Variants in ANO4 observed in about 807,000 individuals in gnomAD.
The protein encoded by ANO4 is anoctamin-4.
Under a neutral mutation model 141.9 loss-of-function variants are expected in ANO4, and 69 were observed. That is an observed-to-expected ratio of 0.49 (90% CI 0.40 to 0.59). The LOEUF (loss-of-function observed/expected upper bound fraction) is 0.59. Ranked by LOEUF, ANO4 falls within the 20% of genes least tolerant of loss-of-function variation. The probability of loss-of-function intolerance (pLI) is 0.00; values close to 1 mark genes in which losing one functional copy is unlikely to be tolerated. For synonymous variants in ANO4, 350 were observed against 394.3 expected, an observed-to-expected ratio of 0.89 and a Z score of 1.33; for missense variants, 894 against 1,162.2, an observed-to-expected ratio of 0.77 and a Z score of 3.36.
At chr12:101,104,703 C>G in intron 22 of ANO4, among the ~76,000 whole-genome samples, 1 of 133,668 alleles carries the variant, frequency 7.5e-6, no homozygotes, top group Non-Finnish European at 1.6e-5. Flanking sequence ...CTCCTTTATA[C>G]CATCTATGTT....
chr12:101,067,007 AAAAAAAAAAAG>A, intron 14 of ANO4: 1 of 586,088 alleles, frequency 1.7e-6, no homozygotes, highest in African/African-American at 1.9e-5. Context: ...CAAAAAAAAA[AAAAAAAAAAAG>A]AAAGAACAGA....
intron 14 of ANO4, among the ~76,000 whole-genome samples, chr12:101,056,591 G>T (rs1463537213): frequency 6.6e-6 from 1 of 151,178 alleles, no homozygotes; most frequent in Non-Finnish European, 1.5e-5. Flanking sequence ...TCTTTTTCTT[G>T]CCTTATACTG....
At chr12:100,867,612 T>TCTCACA (rs988136994) in intron 1 of ANO4, among the ~76,000 whole-genome samples, 4 of 149,866 alleles carry the variant, frequency 2.7e-5, no homozygotes, top group African/African-American at 9.8e-5. Context: ...TCTCTCTCTC[T>TCTCACA]CACACACACA....
chr12:101,014,028 T>C (rs2046212021), intron 8 of ANO4, among the ~76,000 whole-genome samples: 1 of 152,214 alleles, frequency 6.6e-6, no homozygotes, highest in African/African-American at 2.4e-5. Context: ...TCTCATGTTA[T>C]CTATGAAGGT....
At chr12:100,906,652 A>G (rs1378886411) in intron 2 of ANO4, among the ~76,000 whole-genome samples, 2 of 152,180 alleles carry the variant, frequency 1.3e-5, no homozygotes, top group African/African-American at 2.4e-5. Context: ...GGGAAGAATG[A>G]TAAGCCAGGC....
chr12:101,007,591 G>A (rs1366765985), intron 8 of ANO4, among the ~76,000 whole-genome samples: 1 of 152,062 alleles, frequency 6.6e-6, no homozygotes, highest in East Asian at 1.9e-4. Context: ...TTCTAACCCA[G>A]GTTTGTTTTT....
intron 2 of ANO4, among the ~76,000 whole-genome samples, chr12:100,914,775 C>A (rs1241799120): frequency 1.3e-5 from 2 of 152,004 alleles, no homozygotes; most frequent in Non-Finnish European, 2.9e-5. Context: ...TGGCTGATGC[C>A]AGGAAAGTCT....
At chr12:100,734,820 T>G (rs2031537330) in intron 2 of ANO4, among the ~76,000 whole-genome samples, 1 of 152,248 alleles carries the variant, frequency 6.6e-6, no homozygotes, top group South Asian at 2.1e-4. Context: ...GTTACTTAAG[T>G]ATGTTCAAAC....
chr12:101,104,669 ATAAAT>A (rs1566255108), intron 22 of ANO4, among the ~76,000 whole-genome samples: 61 of 61,116 alleles, frequency 1.0e-3, no homozygotes, highest in African/African-American at 1.9e-3. Flanking sequence ...ATATATATAT[ATAAAT>A]AAAAAGATTT....
At chr12:100,742,039 A>C (rs527969720) in intron 3 of ANO4, among the ~76,000 whole-genome samples, 1 of 152,236 alleles carries the variant, frequency 6.6e-6, no homozygotes, top group Non-Finnish European at 1.5e-5. Flanking sequence ...GGTTTTCACA[A>C]ACAAAAGCCT....
intron 9 of ANO4, among the ~76,000 whole-genome samples, chr12:101,022,196 C>T (rs2046562290): frequency 6.6e-6 from 1 of 152,120 alleles, no homozygotes; most frequent in African/African-American, 2.4e-5. Context: ...GAAGTCAAAC[C>T]TGATTTAGGT....
chr12:101,019,312 CTA>C lies in ANO4; in HGVS notation c.735-720_735-719del, dbSNP rs539795275. On this transcript the variant is annotated intron_variant, in intron 8 of 27. Coordinates refer to ENST00000392977, the MANE Select transcript of ANO4 (RefSeq NM_001286615.2). Reference sequence around the variant, plus strand: ...GCTGGATTATGTAAACCTGGAAGCTCTATCTGCTACCTAGAAAACCTCTTAGT... The same window carrying C: ...GCTGGATTATGTAAACCTGGAAGCTCTCTGCTACCTAGAAAACCTCTTAGT... 3.1e-3 allele frequency among the ~76,000 whole-genome samples: 472 copies of C among 152,244 alleles called. 4 individuals carry two copies. Among genetic ancestry groups the C allele is most frequent in the African/African-American group, 0.011 (441 of 41,542 alleles).
intron 1 of ANO4, among the ~76,000 whole-genome samples, chr12:100,862,500 T>G (rs2038534646): frequency 6.6e-6 from 1 of 152,062 alleles, no homozygotes. Flanking sequence ...TTTTGTATTT[T>G]TAGTAGAGAT....
intron 17 of ANO4, 41 bp from the exon 18 acceptor site, chr12:101,094,215 C>T (rs377372682): frequency 8.1e-5 from 123 of 1,518,792 alleles, no homozygotes; most frequent in Admixed American, 1.2e-4. Context: ...TTTTATAATA[C>T]GTGCAGTTCA....
intron 1 of ANO4, among the ~76,000 whole-genome samples, chr12:100,725,183 A>G (rs1267721279): frequency 6.6e-6 from 1 of 152,046 alleles, no homozygotes; most frequent in Non-Finnish European, 1.5e-5. Context: ...GGCTTGTAAT[A>G]TGTTTTGAAA....
chr12:100,807,286 T>C (rs544637405), intron 1 of ANO4, among the ~76,000 whole-genome samples: 1 of 152,310 alleles, frequency 6.6e-6, no homozygotes, highest in African/African-American at 2.4e-5. Context: ...TCATCATCTA[T>C]GAAATCCCCT....
At chr12:100,973,921 G>T (rs1315094315) in intron 6 of ANO4, among the ~76,000 whole-genome samples, 1 of 152,108 alleles carries the variant, frequency 6.6e-6, no homozygotes. Flanking sequence ...AGTTTTGCCT[G>T]TGTTTTAAAG....
At chr12:101,064,483 G>A (rs918903278) in intron 14 of ANO4, among the ~76,000 whole-genome samples, 27 of 151,978 alleles carry the variant, frequency 1.8e-4, no homozygotes, top group Non-Finnish European at 3.5e-4. Context: ...ACATGGACAC[G>A]CGGAGGGGAA....
intron 26 of ANO4, among the ~76,000 whole-genome samples, chr12:101,125,677 C>T (rs1260105612): frequency 6.6e-6 from 1 of 152,142 alleles, no homozygotes; most frequent in Non-Finnish European, 1.5e-5. Context: ...TGATGAATTA[C>T]TTATGCTTAT....
Sources: gnomAD v4.1 joint callset for allele counts (sites outside exome capture counted in the v4.1 genomes callset) on GRCh38, gnomAD v4.1.1 for gene constraint, MANE v1.5 for transcripts, NCBI Gene and HGNC (gene_info 2026-07-23, HGNC 2026-07-21) for gene names.